B4GALT6: variants seen among roughly 807,000 people sequenced by gnomAD.
B4GALT6 encodes the protein UDP-Gal:beta-GlcNAc beta-1,4-galactosyltransferase 6.
A neutral mutation model predicts 46.3 loss-of-function variants in B4GALT6; 14 were observed. The ratio of observed to expected loss-of-function variants is 0.30; its 90% CI spans 0.20 to 0.47. B4GALT6 has a LOEUF of 0.47. B4GALT6 is among the 20% of genes least tolerant of loss of function. The probability of loss-of-function intolerance (pLI) is 0.99; values close to 1 mark genes in which losing one functional copy is unlikely to be tolerated. For missense variants in B4GALT6, 386 were observed against 480.1 expected, an observed-to-expected ratio of 0.80 and a Z score of 1.83; for synonymous variants, 168 against 162.0, an observed-to-expected ratio of 1.04 and a Z score of -0.28.
intron 4 of B4GALT6, among the ~76,000 whole-genome samples, chr18:31,639,645 C>G (rs1008197893): frequency 6.6e-6 from 1 of 152,084 alleles, no homozygotes; most frequent in African/African-American, 2.4e-5. Context: ...ATGATGTAAG[C>G]AGCACAGACA....
chr18:31,648,224 A>G (rs895888), intron 3 of B4GALT6, among the ~76,000 whole-genome samples: 89,241 of 152,104 alleles, frequency 0.59, 28,289 homozygotes, highest in African/African-American at 0.85. Flanking sequence ...GTATAAATCT[A>G]AGATTTTTAA....
chr18:31,651,974 G>C (rs1220730956), intron 3 of B4GALT6, among the ~76,000 whole-genome samples: 2 of 152,106 alleles, frequency 1.3e-5, no homozygotes, highest in Non-Finnish European at 2.9e-5. Flanking sequence ...GTTTCACTGT[G>C]TTAGCCAGGA....
At chr18:31,645,970 T>G (rs575587005) in intron 3 of B4GALT6, among the ~76,000 whole-genome samples, 1 of 152,334 alleles carries the variant, frequency 6.6e-6, no homozygotes, top group Admixed American at 6.5e-5. Context: ...TGCCTCAGCC[T>G]CCTCCTCTGT....
intron 5 of B4GALT6, among the ~76,000 whole-genome samples, chr18:31,636,733 T>C (rs2073863586): frequency 6.6e-6 from 1 of 152,276 alleles, no homozygotes; most frequent in African/African-American, 2.4e-5. Flanking sequence ...TTAAGTGTTA[T>C]CAGATCTTTT....
the B4GALT6 span, chr18:31,724,467 G>A: frequency 2.8e-5 from 28 of 1,014,272 alleles, no homozygotes; most frequent in African/African-American, 2.6e-4. Flanking sequence ...CCCCACCCCC[G>A]GGCAGACCCG....
intron 4 of B4GALT6, among the ~76,000 whole-genome samples, chr18:31,640,376 C>T (rs186289934): frequency 5.3e-5 from 8 of 152,134 alleles, no homozygotes; most frequent in Admixed American, 2.6e-4. Context: ...TTTTACGTTA[C>T]CAGGATCATA....
the B4GALT6 span, among the ~76,000 whole-genome samples, chr18:31,715,638 C>T: frequency 3.3e-5 from 5 of 149,282 alleles, no homozygotes; most frequent in Non-Finnish European, 5.9e-5. Flanking sequence ...GCAACCTCCA[C>T]CTCCTGGATT....
intron 1 of B4GALT6, among the ~76,000 whole-genome samples, chr18:31,674,611 T>A (rs1298404009): frequency 1.3e-5 from 2 of 152,216 alleles, no homozygotes; most frequent in African/African-American, 4.8e-5. Flanking sequence ...CTTCTAAGTA[T>A]CTGTTTCTGA....
intron 5 of B4GALT6, among the ~76,000 whole-genome samples, chr18:31,638,077 T>C (rs993234360): frequency 6.6e-6 from 1 of 152,208 alleles, no homozygotes; most frequent in Non-Finnish European, 1.5e-5. Context: ...TTAAAAACCA[T>C]AGATTGACAA....
chr18:31,655,208 C>T (rs1247019105), intron 3 of B4GALT6, among the ~76,000 whole-genome samples: 4 of 152,190 alleles, frequency 2.6e-5, no homozygotes, highest in South Asian at 2.1e-4. Context: ...GCAGAAGCCT[C>T]GTTATGTTGG....
chr18:31,670,340 C>A (rs868498003), intron 1 of B4GALT6, among the ~76,000 whole-genome samples: 2 of 152,146 alleles, frequency 1.3e-5, no homozygotes, highest in Admixed American at 6.5e-5. Flanking sequence ...CAGGCGTGAG[C>A]CACCGCACCA....
At chr18:31,655,648 T>C (rs1025661737) in intron 3 of B4GALT6, among the ~76,000 whole-genome samples, 1 of 152,094 alleles carries the variant, frequency 6.6e-6, no homozygotes, top group Admixed American at 6.5e-5. Context: ...TTAAAGAAAA[T>C]GGCAACTAAA....
At chr18:31,675,499 C>T (rs1246337014) in intron 1 of B4GALT6, among the ~76,000 whole-genome samples, 1 of 152,196 alleles carries the variant, frequency 6.6e-6, no homozygotes, top group Non-Finnish European at 1.5e-5. Context: ...AGACTCTGAA[C>T]CTAGTGATAT....
chr18:31,638,456 G>T (rs929091259), intron 5 of B4GALT6, among the ~76,000 whole-genome samples, 188 bp downstream of exon 5: 3 of 152,120 alleles, frequency 2.0e-5, no homozygotes, highest in African/African-American at 7.2e-5. Flanking sequence ...GAACCTGGGG[G>T]GCGGAGCTTG....
intron 1 of B4GALT6, among the ~76,000 whole-genome samples, chr18:31,667,931 C>A (rs4799313): frequency 1.3e-5 from 2 of 151,940 alleles, no homozygotes; most frequent in Non-Finnish European, 2.9e-5. Flanking sequence ...CCCATCTCTA[C>A]TAAAAATACA....
rs370645297 is a variant in B4GALT6, at chr18:31,654,693, C to T, written c.346+3283G>A. Among the ~76,000 whole-genome samples the T allele has an allele frequency of 1.6e-4, 25 of 152,298 alleles. No individual in the cohort carries two copies. In the East Asian group the frequency reaches 2.7e-3, roughly 16 times the overall value. ...ACACCAGTGTTAAGCCTTAACTTCA[C>T]TTTTAGTGACTATAAGTAAATATTA... On this transcript the variant is annotated intron_variant, in intron 3 of 8. Coordinates refer to ENST00000306851, the MANE Select transcript of B4GALT6 (RefSeq NM_004775.5).
At chr18:31,696,680 A>G in the B4GALT6 span, among the ~76,000 whole-genome samples, 4 of 152,174 alleles carry the variant, frequency 2.6e-5, no homozygotes, top group African/African-American at 4.8e-5. Flanking sequence ...AATTGCTTTC[A>G]GGAGTAATAG....
chr18:31,698,695 C>T, the B4GALT6 span, among the ~76,000 whole-genome samples: 5 of 150,914 alleles, frequency 3.3e-5, 1 homozygote, highest in Non-Finnish European at 7.4e-5. Flanking sequence ...AGATTGATGA[C>T]CACTAACCAG....
intron 2 of B4GALT6, among the ~76,000 whole-genome samples, chr18:31,659,559 A>G (rs961636655): frequency 6.6e-6 from 1 of 152,208 alleles, no homozygotes; most frequent in Non-Finnish European, 1.5e-5. Context: ...ATTCCAAAGA[A>G]GTGCTTGGAA....
Sources: gnomAD v4.1 joint callset for allele counts (sites outside exome capture counted in the v4.1 genomes callset) on GRCh38, gnomAD v4.1.1 for gene constraint, MANE v1.5 for transcripts, NCBI Gene and HGNC (gene_info 2026-07-23, HGNC 2026-07-21) for gene names.